The following RBFOX1 variants were observed in gnomAD, a reference collection of about 807,000 sequenced individuals.
RBFOX1 encodes RNA binding fox-1 homolog 1, also known as RNA binding protein fox-1 homolog 1.
RBFOX1 carries 8 observed loss-of-function variants against 57.7 expected under a neutral mutation model. That is an observed-to-expected ratio of 0.14 (90% CI 0.08 to 0.25). The LOEUF is 0.25. Ranked by LOEUF, RBFOX1 falls within the 10% of genes least tolerant of loss-of-function variation. RBFOX1 has a pLI of 1.00. For synonymous variants in RBFOX1, 326 were observed against 222.4 expected (o/e 1.47, Z -4.15); for missense variants, 611 against 548.5 (o/e 1.11, Z -1.14).
chr16:7,097,331 G>C (rs2061872751), intron 4 of RBFOX1, among the ~76,000 whole-genome samples: 1 of 152,096 alleles, frequency 6.6e-6, no homozygotes, highest in Non-Finnish European at 1.5e-5. Flanking sequence ...GTCAGAGAGA[G>C]AGAGAGTTCT....
At chr16:7,102,633 A>G (rs1166535311) in intron 4 of RBFOX1, among the ~76,000 whole-genome samples, 1 of 152,194 alleles carries the variant, frequency 6.6e-6, no homozygotes, top group African/African-American at 2.4e-5. Context: ...TCACCTTGAA[A>G]TGCAAAATCC....
chr16:5,623,479 C>G (rs916224449), intron 3 of RBFOX1, among the ~76,000 whole-genome samples: 2 of 152,154 alleles, frequency 1.3e-5, no homozygotes, highest in Non-Finnish European at 2.9e-5. Context: ...CATGGCCATG[C>G]TAAGTGCTGG....
chr16:5,823,876 GTAA>G (rs1346726736), intron 3 of RBFOX1, among the ~76,000 whole-genome samples: 1 of 152,126 alleles, frequency 6.6e-6, no homozygotes, highest in Non-Finnish European at 1.5e-5. Context: ...ATATTACAAA[GTAA>G]TAATATAAAT....
intron 4 of RBFOX1, among the ~76,000 whole-genome samples, chr16:7,170,377 T>C (rs1389861463): frequency 6.6e-6 from 1 of 152,094 alleles, no homozygotes; most frequent in African/African-American, 2.4e-5. Context: ...GTGCAAGTGA[T>C]ACTCTCACCT....
chr16:7,393,416 T>A (rs902788888), intron 4 of RBFOX1, among the ~76,000 whole-genome samples: 9 of 152,310 alleles, frequency 5.9e-5, no homozygotes, highest in African/African-American at 2.2e-4. Context: ...ACTATAATAT[T>A]ACACTCAAGT....
In RBFOX1 at chr16:7,464,688, C is replaced by CTTTTTTT. The variant is rs57553411; in HGVS notation, c.28-53439_28-53433dup. Among the ~76,000 whole-genome samples the CTTTTTTT allele has an allele frequency of 1.1e-3, 69 of 62,266 alleles. 9 individuals are homozygous for CTTTTTTT. Among genetic ancestry groups the CTTTTTTT allele is most frequent in the African/African-American group, 4.6e-3 (67 of 14,468 alleles). The allele number at this position is 62,266 out of a possible 152,430, so 40.8% of individuals were successfully genotyped here. A position where few individuals can be genotyped will look rare whatever the true frequency, so the allele number is the denominator to read the frequency against. On this transcript the variant is annotated intron_variant, in intron 4 of 15. Transcript: ENST00000550418. ...CCGAAATACTTCTTGTATTGTCTGT[C>CTTTTTTT]TTTTTTTTTTTTTTTTTTTTTTTTT...
chr16:6,581,844 C>T (rs537308281), intron 2 of RBFOX1, among the ~76,000 whole-genome samples: 173 of 152,310 alleles, frequency 1.1e-3, no homozygotes, highest in Non-Finnish European at 2.0e-3. Flanking sequence ...CAAAGGATGC[C>T]ACTGAGATTA....
chr16:7,026,302 G>C (rs2040910929), intron 3 of RBFOX1, among the ~76,000 whole-genome samples: 1 of 152,166 alleles, frequency 6.6e-6, no homozygotes, highest in Admixed American at 6.5e-5. Context: ...ACCAGGCCAT[G>C]TTTAATGTCT....
intron 3 of RBFOX1, among the ~76,000 whole-genome samples, chr16:6,859,104 A>T (rs2058421085): frequency 1.2e-5 from 1 of 83,576 alleles, no homozygotes; most frequent in Admixed American, 1.5e-4. Context: ...ATTGTCCTAA[A>T]AAAAGTGTAT....
intron 2 of RBFOX1, among the ~76,000 whole-genome samples, chr16:6,336,179 ATATTTTTTTTTTTTTTTTTTTT>A (rs2083705464): frequency 4.0e-5 from 1 of 25,016 alleles, no homozygotes; most frequent in African/African-American, 1.6e-4. Flanking sequence ...ATATATATAT[ATATTTTTTTTTTTTTTTTTTTT>A]TTTTTTTTTT....
chr16:7,341,271 C>T (rs745529559), intron 4 of RBFOX1, among the ~76,000 whole-genome samples: 5 of 152,122 alleles, frequency 3.3e-5, no homozygotes, highest in African/African-American at 4.8e-5. Flanking sequence ...TCTGAGCAAC[C>T]GAGACCATTA....
At chr16:6,792,438 C>T (rs2083152922) in intron 3 of RBFOX1, among the ~76,000 whole-genome samples, 1 of 152,076 alleles carries the variant, frequency 6.6e-6, no homozygotes, top group Non-Finnish European at 1.5e-5. Context: ...AATTAAAGGT[C>T]AACCTGTTCA....
chr16:7,528,625 G>A (rs562990242), intron 5 of RBFOX1, among the ~76,000 whole-genome samples: 76 of 152,280 alleles, frequency 5.0e-4, no homozygotes, highest in African/African-American at 1.7e-3. Context: ...CAGTAGCTCA[G>A]TACTGCCTCC....
chr16:6,176,653 GTAT>G (rs1000716078), intron 1 of RBFOX1, among the ~76,000 whole-genome samples: 2 of 151,244 alleles, frequency 1.3e-5, no homozygotes, highest in African/African-American at 4.9e-5. Context: ...ATTGTTATGA[GTAT>G]TATTGTTATT....
At chr16:5,587,100 C>T (rs1198286936) in intron 2 of RBFOX1, among the ~76,000 whole-genome samples, 1 of 152,154 alleles carries the variant, frequency 6.6e-6, no homozygotes, top group East Asian at 1.9e-4. Context: ...ATTGGTTATG[C>T]ACCTGAAACT....
chr16:5,832,746 G>GT (rs1443752415), intron 3 of RBFOX1, among the ~76,000 whole-genome samples: 1 of 152,196 alleles, frequency 6.6e-6, no homozygotes, highest in African/African-American at 2.4e-5. Flanking sequence ...AAAAAGCTGA[G>GT]TCTGAGTCTT....
At chr16:6,057,508 G>T (rs1363535124) in intron 1 of RBFOX1, among the ~76,000 whole-genome samples, 1 of 152,006 alleles carries the variant, frequency 6.6e-6, no homozygotes, top group Non-Finnish European at 1.5e-5. Flanking sequence ...TTAGGCTTTG[G>T]GAATACAATG....
chr16:6,813,618 C>T (rs1169180891), intron 3 of RBFOX1, among the ~76,000 whole-genome samples: 2 of 152,174 alleles, frequency 1.3e-5, no homozygotes. Flanking sequence ...GGCTCAAAAT[C>T]AATCTGAAGA....
intron 3 of RBFOX1, among the ~76,000 whole-genome samples, chr16:6,829,167 C>G (rs530358750): frequency 2.0e-5 from 3 of 148,792 alleles, no homozygotes; most frequent in East Asian, 2.0e-4. Flanking sequence ...GTAGAAGTTT[C>G]AAGAAACCAA....
Sources: allele counts gnomAD v4.1 joint callset (sites outside exome capture counted in the v4.1 genomes callset), GRCh38; gene constraint gnomAD v4.1.1; transcripts MANE v1.5; gene names NCBI Gene and HGNC (gene_info 2026-07-23, HGNC 2026-07-21).